The following DAB1 variants were observed in gnomAD, a reference collection of about 807,000 sequenced individuals.
DAB1 encodes the protein disabled homolog 1.
DAB1 carries 15 observed loss-of-function variants against 64.6 expected under a neutral mutation model. The observed-to-expected ratio is 0.23, with a 90% CI of 0.16 to 0.36. DAB1 has a LOEUF of 0.36. Among genes scored for constraint, DAB1 ranks in the 10% least tolerant of loss-of-function variants. The probability of loss-of-function intolerance (pLI) is 1.00; values close to 1 mark genes in which losing one functional copy is unlikely to be tolerated. For synonymous variants in DAB1, 235 were observed against 251.9 expected (o/e 0.93, Z 0.64); for missense variants, 596 against 706.7 (o/e 0.84, Z 1.78).
At chr1:57,976,657 A>T (rs1404679038) in intron 5 of DAB1, among the ~76,000 whole-genome samples, 1 of 152,122 alleles carries the variant, frequency 6.6e-6, no homozygotes, top group East Asian at 1.9e-4. Flanking sequence ...ACTATGTGAC[A>T]CTTTTAGCTT....
At chr1:57,864,252 G>T (rs962633123) in intron 1 of DAB1, among the ~76,000 whole-genome samples, 1 of 152,126 alleles carries the variant, frequency 6.6e-6, no homozygotes, top group Non-Finnish European at 1.5e-5. Context: ...TAGGGAATTG[G>T]GGGTAATGGT....
chr1:57,234,826 G>A (rs1667971893), intron 2 of DAB1, among the ~76,000 whole-genome samples: 1 of 152,182 alleles, frequency 6.6e-6, no homozygotes, highest in African/African-American at 2.4e-5. Flanking sequence ...ATAGGACTGA[G>A]GTCCCCATTC....
In DAB1 at chr1:57,036,355, T is replaced by TA. The variant is rs930221069; in HGVS notation, c.724-10313dup. ...CTTCATCCCATCCGTATCTTTTTTT[T>TA]ACCTTGTGTCTACCTTACTGTTCTA... On this transcript the variant is annotated intron_variant, in intron 9 of 14. Coordinates refer to ENST00000371236, the MANE Select transcript of DAB1 (RefSeq NM_001365792.1). Among the ~76,000 whole-genome samples the TA allele has an allele frequency of 2.4e-3, 369 of 152,300 alleles. 2 individuals are homozygous for TA. Among genetic ancestry groups the TA allele is most frequent in the African/African-American group, 7.3e-3 (304 of 41,562 alleles).
chr1:58,504,833 C>T (rs1645961660), intron 3 of DAB1, among the ~76,000 whole-genome samples: 1 of 152,192 alleles, frequency 6.6e-6, no homozygotes, highest in African/African-American at 2.4e-5. Flanking sequence ...TTTATCTTAG[C>T]ATCCTGTAAA....
intron 1 of DAB1, among the ~76,000 whole-genome samples, chr1:57,322,168 A>G (rs1675777837): frequency 6.6e-6 from 1 of 152,174 alleles, no homozygotes; most frequent in Admixed American, 6.6e-5. Flanking sequence ...CCAGGCATTC[A>G]TTTGAATATA....
intron 2 of DAB1, among the ~76,000 whole-genome samples, chr1:57,210,105 A>C (rs1171641883): frequency 1.3e-5 from 2 of 152,200 alleles, no homozygotes; most frequent in Non-Finnish European, 2.9e-5. Flanking sequence ...TTAAATGGGA[A>C]GGCAGAAAAA....
chr1:57,336,711 GC>G (rs1315163974), intron 1 of DAB1, among the ~76,000 whole-genome samples: 1 of 152,086 alleles, frequency 6.6e-6, no homozygotes, highest in Admixed American at 6.6e-5. Context: ...ACATTATTCT[GC>G]CCCTTACAAG....
intron 4 of DAB1, among the ~76,000 whole-genome samples, chr1:57,123,291 C>T (rs1195839991): frequency 2.0e-5 from 3 of 152,060 alleles, no homozygotes; most frequent in Admixed American, 6.6e-5. Flanking sequence ...TATCCTTTGG[C>T]GTCATTCAGA....
chr1:57,063,503 C>A (rs1650608665), intron 8 of DAB1, among the ~76,000 whole-genome samples: 1 of 152,106 alleles, frequency 6.6e-6, no homozygotes, highest in Admixed American at 6.6e-5. Context: ...AAGTGTGGGC[C>A]TAGTACGCAG....
At chr1:57,881,427 C>T (rs1275063578) in intron 1 of DAB1, among the ~76,000 whole-genome samples, 1 of 152,166 alleles carries the variant, frequency 6.6e-6, no homozygotes, top group Non-Finnish European at 1.5e-5. Flanking sequence ...GCCACATAAA[C>T]AGAAGGAAAG....
chr1:57,286,802 A>G (rs1461144244), intron 2 of DAB1, among the ~76,000 whole-genome samples: 2 of 152,226 alleles, frequency 1.3e-5, no homozygotes, highest in East Asian at 3.9e-4. Flanking sequence ...GCTGATAAAT[A>G]TAGATACAAA....
intron 7 of DAB1, among the ~76,000 whole-genome samples, chr1:57,638,429 C>T (rs1282261629): frequency 1.3e-5 from 2 of 152,164 alleles, no homozygotes; most frequent in Non-Finnish European, 2.9e-5. Context: ...AGAATGATGT[C>T]ATCTGCAATG....
chr1:57,524,285 A>T (rs1644565224), intron 7 of DAB1, among the ~76,000 whole-genome samples: 1 of 152,224 alleles, frequency 6.6e-6, no homozygotes, highest in African/African-American at 2.4e-5. Context: ...TTGAGAATCC[A>T]ATACAGTGAC....
chr1:57,777,911 G>A (rs138937067), intron 6 of DAB1, among the ~76,000 whole-genome samples: 69 of 152,152 alleles, frequency 4.5e-4, no homozygotes, highest in African/African-American at 1.7e-3. Flanking sequence ...CAGTGTTGAA[G>A]TTCATTTTGG....
chr1:57,340,577 A>T (rs761191915), intron 1 of DAB1, among the ~76,000 whole-genome samples: 1 of 152,228 alleles, frequency 6.6e-6, no homozygotes, highest in Non-Finnish European at 1.5e-5. Context: ...GACACAGTCT[A>T]CATTTGCTTC....
At position 57,343,501 on chromosome 1, in the gene DAB1, G is replaced by A. The variant is rs1677817218; in HGVS notation, c.-136-52335C>T. On this transcript the variant is annotated intron_variant, in intron 1 of 14. Transcript: ENST00000371236. ...TGGGACTAGGCGCCATGGAGCAGGG[G>A]GCTGCGCTCATTGGGGAGGCTCCGC... 3.3e-5 allele frequency among the ~76,000 whole-genome samples: 5 copies of A among 152,216 alleles called. No individual in the cohort carries two copies. The South Asian group carries it at 1.0e-3, about 31-fold the overall frequency.
chr1:58,227,952 G>A (rs1241970479), intron 4 of DAB1, among the ~76,000 whole-genome samples: 1 of 152,180 alleles, frequency 6.6e-6, no homozygotes, highest in Non-Finnish European at 1.5e-5. Context: ...TGTAAATTTG[G>A]AGATCACATA....
chr1:58,281,828 T>A (rs1661570452), intron 4 of DAB1, among the ~76,000 whole-genome samples: 1 of 152,194 alleles, frequency 6.6e-6, no homozygotes, highest in African/African-American at 2.4e-5. Context: ...GAGGAATAAA[T>A]GAATGCATGT....
At chr1:58,191,174 G>A (rs1657369928) in intron 4 of DAB1, among the ~76,000 whole-genome samples, 1 of 152,204 alleles carries the variant, frequency 6.6e-6, no homozygotes, top group African/African-American at 2.4e-5. Context: ...TTCTTAGCCA[G>A]AGTTTTCCAA....
Sources: gnomAD v4.1 joint callset for allele counts (sites outside exome capture counted in the v4.1 genomes callset) on GRCh38, gnomAD v4.1.1 for gene constraint, MANE v1.5 for transcripts, NCBI Gene and HGNC (gene_info 2026-07-23, HGNC 2026-07-21) for gene names.